GGT5: variants seen among roughly 807,000 people sequenced by gnomAD.
GGT5 encodes the protein gamma-glutamyltransferase 5.
A neutral mutation model predicts 58.1 loss-of-function variants in GGT5; 50 were observed. That is an observed-to-expected ratio of 0.86 (90% CI 0.69 to 1.09). The LOEUF is 1.09. Ranked by LOEUF, GGT5 falls within the 50% of genes least tolerant of loss-of-function variation. The pLI is 0.00. For missense variants in GGT5, 800 were observed against 789.4 expected, an observed-to-expected ratio of 1.01 and a Z score of -0.16; for synonymous variants, 370 against 346.1, an observed-to-expected ratio of 1.07 and a Z score of -0.77.
At chr22:24,232,773 C>G (rs1438127551) in intron 4 of GGT5, 50 bp downstream of exon 4, 4 of 1,306,584 alleles carry the variant, frequency 3.1e-6, no homozygotes, top group Admixed American at 5.7e-5. Flanking sequence ...TGGGCCCAGA[C>G]AGGATATGGC....
chr22:24,225,172 T>C (rs2047712585), intron 10 of GGT5, 66 bp from the exon 11 acceptor site: 3 of 1,583,178 alleles, frequency 1.9e-6, no homozygotes, highest in Non-Finnish European at 2.6e-6. Flanking sequence ...AGCCCTCACA[T>C]CCCCACTCCA....
chr22:24,226,079 G>A lies in GGT5; in HGVS notation c.1226C>T (p.Thr409Ile), dbSNP rs1328672691. 1.3e-6 allele frequency: 2 copies of A among 1,591,950 alleles called. No individual in the cohort carries two copies. Among genetic ancestry groups the A allele is most frequent in the Non-Finnish European group, 1.7e-6 (2 of 1,166,932 alleles). Residue 409 changes from threonine to isoleucine, a missense_variant, in exon 8 of 12, where the codon ACA becomes ATA. Thr to Ile is a moderately conservative substitution (Grantham distance 89). Coordinates refer to ENST00000327365, the MANE Select transcript of GGT5 (RefSeq NM_004121.5). ...SAVAATSTIN[T>I]PFGAMVYSPR... ...CCTTCCCCCAGGCCCTACGCACGGTGTGTTGATGGTGCTGGTGGCAGCCAC... is the reference window on the plus strand; with the variant it reads ...CCTTCCCCCAGGCCCTACGCACGGTATGTTGATGGTGCTGGTGGCAGCCAC...
chr22:24,244,639 G>A lies in GGT5; in HGVS notation c.87C>T (p.Leu29=), dbSNP rs538644051. ...GGCCACATGGGGCCTGGTGTCGAGA[G>A]AGGACCACAGCCAGCACAATGACAG... ...ALAVIVLAVV[L]SRHQAPCGPQ... The change falls in exon 1 of 12, where the codon CTC becomes CTT. Residue 29 remains leucine (L), a synonymous_variant. Transcript: ENST00000327365. 2.5e-6 allele frequency: 4 copies of A among 1,612,916 alleles called. No homozygotes were observed. The highest frequency in any genetic ancestry group is 2.2e-5 in the East Asian group (1 of 44,874).
intron 1 of GGT5, among the ~76,000 whole-genome samples, chr22:24,239,985 C>T (rs1234776480): frequency 2.0e-5 from 3 of 152,186 alleles, no homozygotes; most frequent in Admixed American, 2.0e-4. Flanking sequence ...ACTCAGGAGA[C>T]TGAGACAGGA....
At chr22:24,222,223 A>T (rs1181390770) in intron 11 of GGT5, among the ~76,000 whole-genome samples, 1 of 151,974 alleles carries the variant, frequency 6.6e-6, no homozygotes, top group Non-Finnish European at 1.5e-5. Context: ...AACAAAAAAA[A>T]CTAATGGCCC....
intron 1 of GGT5, among the ~76,000 whole-genome samples, chr22:24,235,809 T>C (rs34254169): frequency 0.048 from 7,377 of 152,114 alleles, 243 homozygotes; most frequent in South Asian, 0.083. Context: ...GCCTAGTCAG[T>C]TGTCTTGGCT....
At chr22:24,233,752 C>A in intron 2 of GGT5, 122 bp downstream of exon 2, 1 of 1,022,192 alleles carries the variant, frequency 9.8e-7, no homozygotes, top group African/African-American at 1.6e-5. Context: ...GCAAATGGGG[C>A]AGGGCAGGGG....
intron 6 of GGT5, 71 bp downstream of exon 6, chr22:24,231,313 G>A (rs1330031891): frequency 4.5e-6 from 5 of 1,105,068 alleles, no homozygotes; most frequent in Non-Finnish European, 6.5e-6. Flanking sequence ...CTTGGGCTTG[G>A]AGTCTGAGTT....
rs919784102 is a variant in GGT5, at chr22:24,219,767, C to T, written c.*203G>A. The T allele has an allele frequency of 6.8e-6, 4 of 584,792 alleles. No individual in the cohort carries two copies. The African/African-American group carries it at 7.5e-5, about 11-fold the overall frequency. The allele number at this position is 584,792 out of a possible 1,614,324, so 36.2% of individuals were successfully genotyped here. On this transcript the variant is annotated 3_prime_UTR_variant, in exon 12 of 12. Coordinates refer to ENST00000327365, the MANE Select transcript of GGT5 (RefSeq NM_004121.5). ...AGGGATAGAGGGGCCGGTTCAGGACCACCAGGGGCTCTGGGAAAGGGGGTT... is the reference window on the plus strand; with the variant it reads ...AGGGATAGAGGGGCCGGTTCAGGACTACCAGGGGCTCTGGGAAAGGGGGTT...
chr22:24,225,143 C>T (rs1218600202), intron 10 of GGT5, 37 bp from the exon 11 acceptor site: 1 of 1,572,070 alleles, frequency 6.4e-7, no homozygotes, highest in Non-Finnish European at 8.7e-7. Flanking sequence ...AGAAAGGGGG[C>T]ACCCTGCTAC....
chr22:24,236,435 C>T (rs4443101), intron 1 of GGT5, among the ~76,000 whole-genome samples: 18,807 of 152,110 alleles, frequency 0.12, 1,383 homozygotes, highest in East Asian at 0.26. Flanking sequence ...TACCCAGGCC[C>T]CAGCGTTGGC....
At chr22:24,227,737 C>A (rs567384065) in intron 6 of GGT5, among the ~76,000 whole-genome samples, 1 of 151,682 alleles carries the variant, frequency 6.6e-6, no homozygotes. Flanking sequence ...TGGCAGCCAC[C>A]GGAAGTGGGA....
intron 11 of GGT5, among the ~76,000 whole-genome samples, chr22:24,223,271 G>T (rs1287373297): frequency 1.3e-5 from 2 of 151,974 alleles, no homozygotes; most frequent in African/African-American, 2.4e-5. Context: ...GTGTGGTGGC[G>T]CACATGTGTA....
intron 6 of GGT5, 144 bp from the exon 7 acceptor site, chr22:24,226,911 C>T: frequency 4.4e-6 from 2 of 452,656 alleles, no homozygotes; most frequent in Non-Finnish European, 8.1e-6. Flanking sequence ...ACAAGAGTGA[C>T]TAATACCTTA....
chr22:24,239,089 C>T (rs1461137885), intron 1 of GGT5, among the ~76,000 whole-genome samples: 2 of 146,446 alleles, frequency 1.4e-5, no homozygotes, highest in African/African-American at 5.1e-5. Flanking sequence ...CCTGTAATCC[C>T]AGCACTTTGG....
chr22:24,238,875 A>T (rs60518562), intron 1 of GGT5, among the ~76,000 whole-genome samples: 1 of 9,984 alleles, frequency 1.0e-4, no homozygotes, highest in Non-Finnish European at 1.5e-4. Flanking sequence ...AATATATATA[A>T]TATATATTAT....
intron 1 of GGT5, among the ~76,000 whole-genome samples, chr22:24,235,434 C>G (rs2048069258): frequency 6.6e-6 from 1 of 152,012 alleles, no homozygotes; most frequent in Non-Finnish European, 1.5e-5. Context: ...GTCCCTGCAC[C>G]CACCCCGTGG....
At chr22:24,233,183 G>T (rs1286542601) in intron 3 of GGT5, among the ~76,000 whole-genome samples, 165 bp from the exon 4 acceptor site, 2 of 152,186 alleles carry the variant, frequency 1.3e-5, no homozygotes, top group African/African-American at 4.8e-5. Flanking sequence ...TCCCCACAAA[G>T]TCCATGGCCA....
At chr22:24,227,738 G>A (rs771919435) in intron 6 of GGT5, among the ~76,000 whole-genome samples, 66 of 152,078 alleles carry the variant, frequency 4.3e-4, no homozygotes, top group Non-Finnish European at 5.7e-4. Context: ...GGCAGCCACC[G>A]GAAGTGGGAA....
Sources: gnomAD v4.1 joint callset for allele counts (sites outside exome capture counted in the v4.1 genomes callset) on GRCh38, gnomAD v4.1.1 for gene constraint, MANE v1.5 for transcripts, NCBI Gene and HGNC (gene_info 2026-07-23, HGNC 2026-07-21) for gene names.